The following ZHX3 variants were observed in gnomAD, a reference collection of about 807,000 sequenced individuals.
The protein encoded by ZHX3 is zinc fingers and homeoboxes 3.
In ZHX3, 20 loss-of-function variants were observed where a neutral mutation model predicts 64.5. That is an observed-to-expected ratio of 0.31 (90% CI 0.22 to 0.45). ZHX3 has a LOEUF of 0.45. ZHX3 is among the 20% of genes least tolerant of loss of function. The pLI, the probability that ZHX3 is intolerant of heterozygous loss-of-function variation, is 1.00. For synonymous variants in ZHX3, 423 were observed against 461.6 expected, an observed-to-expected ratio of 0.92 and a Z score of 1.07; for missense variants, 1,041 against 1,195.8, an observed-to-expected ratio of 0.87 and a Z score of 1.91.
intron 2 of ZHX3, among the ~76,000 whole-genome samples, chr20:41,215,662 C>T (rs2039468139): frequency 1.3e-5 from 2 of 150,018 alleles, no homozygotes; most frequent in African/African-American, 2.5e-5. Context: ...AGGCCAGGCG[C>T]GGTGGCTCAC....
chr20:41,203,098 G>T lies in ZHX3; in HGVS notation c.1819C>A (p.Gln607Lys), dbSNP rs761751424. The T allele has an allele frequency of 1.8e-5, 29 of 1,614,092 alleles. No homozygotes were observed. Among genetic ancestry groups the T allele is most frequent in the Non-Finnish European group, 2.3e-5 (27 of 1,180,006 alleles). ...TTGGTTGGTGTGAAGTCAGGAGTCTGGTGCCAAGATTGTCGTTTGGCAGAA... is the reference window on the plus strand; with the variant it reads ...TTGGTTGGTGTGAAGTCAGGAGTCTTGTGCCAAGATTGTCGTTTGGCAGAA... ...HPSAKRQSWH[Q>K]TPDFTPTKYK... The change falls in exon 3 of 4, where the codon CAG becomes AAG. Residue 607 changes from glutamine to lysine, a missense_variant. Physicochemically the swap from Gln to Lys is moderately conservative, Grantham distance 53. Transcript: ENST00000683867. The surrounding 1 kb of genome is among the most constrained non-coding windows in gnomAD (Gnocchi z 7.1).
chr20:41,190,161 G>A (rs1451035099), intron 3 of ZHX3, among the ~76,000 whole-genome samples: 1 of 152,136 alleles, frequency 6.6e-6, no homozygotes, highest in African/African-American at 2.4e-5. Context: ...AATTTTTTGA[G>A]ACAGAGTTTC....
rs1470413577 is a variant in ZHX3, at chr20:41,184,728, T to C, written c.*463A>G. 2.8e-6 allele frequency: 2 copies of C among 721,450 alleles called. No individual in the cohort carries two copies. Among genetic ancestry groups the C allele is most frequent in the Non-Finnish European group, 4.4e-6 (2 of 453,358 alleles). 44.7% of individuals were successfully genotyped at this position (721,450 alleles called of 1,614,324 possible). ...GACTGTGGAAGGTGAGGGGCACCTGTGACCCAGCAATCCCCAGAGAACAGA... is the reference window on the plus strand; with the variant it reads ...GACTGTGGAAGGTGAGGGGCACCTGCGACCCAGCAATCCCCAGAGAACAGA... On this transcript the variant is annotated 3_prime_UTR_variant, in exon 4 of 4. Transcript: ENST00000683867.
intron 2 of ZHX3, among the ~76,000 whole-genome samples, chr20:41,208,629 C>T (rs1405632077): frequency 3.9e-5 from 6 of 152,064 alleles, no homozygotes; most frequent in Non-Finnish European, 8.8e-5. Context: ...AGGCCTTTGA[C>T]AAAATTCAAC....
Position 41,183,717 on chromosome 20 carries a change from G to A in ZHX3, c.*1474C>T, listed in dbSNP as rs573260655. The A allele has an allele frequency of 4.7e-4, 72 of 152,360 alleles. No homozygotes were observed. Among genetic ancestry groups the A allele is most frequent in the African/African-American group, 1.7e-3 (70 of 41,542 alleles). The allele number at this position is 152,360 out of a possible 1,614,324, so 9.4% of individuals were successfully genotyped here. A position where few individuals can be genotyped will look rare whatever the true frequency, so the allele number is the denominator to read the frequency against. On this transcript the variant is annotated 3_prime_UTR_variant, in exon 4 of 4. Transcript: ENST00000683867. The surrounding 1 kb of genome is among the most constrained non-coding windows in gnomAD (Gnocchi z 5.3). ...TGGCTTGGCACTCTGGGAAGCAGGTGGTTTCTAAGAAATGAGCGGAGCTAC... is the reference window on the plus strand; with the variant it reads ...TGGCTTGGCACTCTGGGAAGCAGGTAGTTTCTAAGAAATGAGCGGAGCTAC...
chr20:41,290,255 C>T (rs2146740163), intron 1 of ZHX3: 1 of 152,320 alleles, frequency 6.6e-6, no homozygotes, highest in African/African-American at 2.4e-5. Context: ...TTTGCCAGTA[C>T]AACAGAATAG....
rs768292257 is a variant in ZHX3, at chr20:41,203,253, G to A, written c.1664C>T (p.Ser555Phe). The A allele has an allele frequency of 6.2e-7, 1 of 1,614,090 alleles. No homozygotes were observed. The highest frequency in any genetic ancestry group is 2.2e-5 in the East Asian group (1 of 44,878). ...RRYHCRNLKG[S>F]RAMIPGDHSS... ...GTGATCTCCAGGTATCATCGCTCTG[G>A]AGCCCTTCAAGTTCCGGCAGTGGTA... The change falls in exon 3 of 4, where the codon TCC becomes TTC. Residue 555 changes from serine to phenylalanine, a missense_variant. Ser to Phe is a radical substitution (Grantham distance 155). Coordinates refer to ENST00000683867, the MANE Select transcript of ZHX3 (RefSeq NM_001384317.1). The surrounding 1 kb of genome is among the most constrained non-coding windows in gnomAD (Gnocchi z 7.1).
In ZHX3 at chr20:41,212,071, C is replaced by T. The variant is rs1472807163; in HGVS notation, c.-150-7005G>A. ...GGATGTCATCAAAATTAAAAACTTG[C>T]ATTCTTCAAAGGTCACCATCAAGAA... On this transcript the variant is annotated intron_variant, in intron 2 of 3. Transcript: ENST00000683867. The surrounding 1 kb of genome is among the most constrained non-coding windows in gnomAD (Gnocchi z 4.3). 6.6e-6 allele frequency among the ~76,000 whole-genome samples: 1 copy of T among 152,158 alleles called. No individual in the cohort carries two copies. The highest frequency in any genetic ancestry group is 2.4e-5 in the African/African-American group (1 of 41,432).
intron 2 of ZHX3, among the ~76,000 whole-genome samples, chr20:41,207,254 A>C (rs2038792286): frequency 6.6e-6 from 1 of 152,204 alleles, no homozygotes; most frequent in South Asian, 2.1e-4. Flanking sequence ...TAACGAGCAA[A>C]ATAACCAGCT....
intron 1 of ZHX3, among the ~76,000 whole-genome samples, chr20:41,299,089 G>A (rs1161047590): frequency 6.6e-6 from 1 of 152,112 alleles, no homozygotes; most frequent in South Asian, 2.1e-4. Context: ...ACATAATTGG[G>A]AATCAATAGA....
At position 41,200,156 on chromosome 20, in the gene ZHX3, C is replaced by G. The variant is rs1041665670; in HGVS notation, c.2860+1901G>C. ...TTGTAAGCCTCTCCATCAAGCTCTTCCCTGGATGTTGCAAGTGTTCAACTA... is the reference window on the plus strand; with the variant it reads ...TTGTAAGCCTCTCCATCAAGCTCTTGCCTGGATGTTGCAAGTGTTCAACTA... On this transcript the variant is annotated intron_variant, in intron 3 of 3. Transcript: ENST00000683867. The surrounding 1 kb of genome is among the most constrained non-coding windows in gnomAD (Gnocchi z 4.2). Among the ~76,000 whole-genome samples, 1 of 152,216 alleles carries G rather than the reference C, an allele frequency of 6.6e-6. No homozygotes were observed. Among genetic ancestry groups the G allele is most frequent in the African/African-American group, 2.4e-5 (1 of 41,460 alleles).
At chr20:41,234,252 A>G (rs1041382183) in intron 2 of ZHX3, among the ~76,000 whole-genome samples, 2 of 152,166 alleles carry the variant, frequency 1.3e-5, no homozygotes, top group Non-Finnish European at 2.9e-5. Context: ...CTACCTTTTT[A>G]TTACTACGCC....
chr20:41,296,432 A>C (rs957716815), intron 1 of ZHX3, among the ~76,000 whole-genome samples: 1 of 152,064 alleles, frequency 6.6e-6, no homozygotes, highest in Non-Finnish European at 1.5e-5. Context: ...GGGCCAAGAG[A>C]TCTGAGCTCA....
At chr20:41,247,756 A>G (rs555559899) in intron 2 of ZHX3, among the ~76,000 whole-genome samples, 1 of 152,234 alleles carries the variant, frequency 6.6e-6, no homozygotes, top group African/African-American at 2.4e-5. Flanking sequence ...CTGAATCACA[A>G]CCATATTTGC....
Position 41,182,971 on chromosome 20 carries a change from T to A in ZHX3, c.*2220A>T, listed in dbSNP as rs1443633770. ...AGTGCATGCAGGGCTCTGGAGGTGA[T>A]GCCAGCAGGATCTGGAGGTGAGGCA... On this transcript the variant is annotated 3_prime_UTR_variant, in exon 4 of 4. Coordinates refer to ENST00000683867, the MANE Select transcript of ZHX3 (RefSeq NM_001384317.1). This position sits in a 1 kb window ranked among gnomAD's most constrained non-coding sequence, Gnocchi z 6.1. The A allele has an allele frequency of 6.6e-6, 1 of 152,220 alleles. No homozygotes were observed. The highest frequency in any genetic ancestry group is 1.9e-4 in the East Asian group (1 of 5,192). 9.4% of individuals were successfully genotyped at this position (152,220 alleles called of 1,614,324 possible).
Position 41,215,226 on chromosome 20 carries a change from C to G in ZHX3, c.-150-10160G>C, listed in dbSNP as rs113377210. Among the ~76,000 whole-genome samples, 129 of 152,116 alleles carry G rather than the reference C, an allele frequency of 8.5e-4. 2 individuals carry two copies. The highest frequency in any genetic ancestry group is 3.1e-3 in the African/African-American group (127 of 41,496). On this transcript the variant is annotated intron_variant, in intron 2 of 3. Transcript: ENST00000683867. Reference sequence around the variant, plus strand: ...GAGCCAAGATCGCACCACTGCACTCCAGCCTGGGACACAGAGTAAGGCTCC... The same window carrying G: ...GAGCCAAGATCGCACCACTGCACTCGAGCCTGGGACACAGAGTAAGGCTCC...
At chr20:41,222,322 G>A (rs956958371) in intron 2 of ZHX3, among the ~76,000 whole-genome samples, 2 of 152,220 alleles carry the variant, frequency 1.3e-5, no homozygotes, top group Admixed American at 6.5e-5. Flanking sequence ...GAAGGATAGT[G>A]TTGCCATCAA....
chr20:41,193,034 C>T (rs2037173551), intron 3 of ZHX3, among the ~76,000 whole-genome samples: 2 of 152,182 alleles, frequency 1.3e-5, no homozygotes, highest in South Asian at 4.1e-4. Flanking sequence ...TCCTTCCTTA[C>T]TTTGTTTCCT....
At chr20:41,263,545 C>A (rs914626542) in intron 2 of ZHX3, among the ~76,000 whole-genome samples, 6 of 151,848 alleles carry the variant, frequency 4.0e-5, no homozygotes, top group Non-Finnish European at 5.9e-5. Context: ...CACGTGTATG[C>A]CACCATGCCC....
Sources: allele counts gnomAD v4.1 joint callset (sites outside exome capture counted in the v4.1 genomes callset), GRCh38; gene constraint gnomAD v4.1.1; non-coding constraint Gnocchi (gnomAD v3.1); transcripts MANE v1.5; gene names NCBI Gene and HGNC (gene_info 2026-07-23, HGNC 2026-07-21).